Variants in TCERG1L observed in about 807,000 individuals in gnomAD.
TCERG1L encodes the protein transcription elongation regulator 1-like protein.
A neutral mutation model predicts 56.3 loss-of-function variants in TCERG1L; 37 were observed. That is an observed-to-expected ratio of 0.66 (90% CI 0.51 to 0.87). The LOEUF is 0.87. TCERG1L is among the 40% of genes least tolerant of loss of function. The pLI, the probability that TCERG1L is intolerant of heterozygous loss-of-function variation, is 0.00. For missense variants in TCERG1L, 799 were observed against 774.2 expected (o/e 1.03, Z -0.38); for synonymous variants, 324 against 326.3 (o/e 0.99, Z 0.08).
chr10:131,166,471 C>T (rs1846031544), intron 5 of TCERG1L, among the ~76,000 whole-genome samples: 1 of 152,252 alleles, frequency 6.6e-6, no homozygotes, highest in Non-Finnish European at 1.5e-5. Context: ...CTTCTTTCCT[C>T]TTGCCTAAGT....
intron 6 of TCERG1L, among the ~76,000 whole-genome samples, chr10:131,149,919 A>G (rs1048571692): frequency 1.3e-5 from 2 of 152,210 alleles, no homozygotes; most frequent in African/African-American, 2.4e-5. Context: ...GGGCTTCAGA[A>G]GCTTCCATGA....
intron 4 of TCERG1L, among the ~76,000 whole-genome samples, chr10:131,176,317 CACAG>C (rs757742140): frequency 1.1e-4 from 17 of 151,210 alleles, no homozygotes; most frequent in South Asian, 6.3e-4. Flanking sequence ...GACACATGCA[CACAG>C]AGACACGTGT....
At chr10:131,184,629 G>A (rs960470556) in intron 4 of TCERG1L, among the ~76,000 whole-genome samples, 12 of 152,346 alleles carry the variant, frequency 7.9e-5, no homozygotes, top group African/African-American at 2.4e-4. Context: ...GCAGCTCTGC[G>A]TGTACACATC....
At position 131,204,913 on chromosome 10, in the gene TCERG1L, T is replaced by A. The variant is rs544287083; in HGVS notation, c.857-38028A>T. Among the ~76,000 whole-genome samples, 104 of 152,260 alleles carry A rather than the reference T, an allele frequency of 6.8e-4. 1 individual carries two copies. The highest frequency in any genetic ancestry group is 1.4e-3 in the Non-Finnish European group (94 of 68,022). On this transcript the variant is annotated intron_variant, in intron 4 of 11. Transcript: ENST00000368642. ...ACCACAAGCCCAGTGGCCTTTCTGC[T>A]TGAAGTCCAGGGTCTTGACCATGGG...
At chr10:131,205,731 TC>T (rs1845515548) in intron 4 of TCERG1L, among the ~76,000 whole-genome samples, 1 of 152,208 alleles carries the variant, frequency 6.6e-6, no homozygotes, top group South Asian at 2.1e-4. Context: ...CTTGCTGAGG[TC>T]ACCTGGTCTT....
intron 4 of TCERG1L, among the ~76,000 whole-genome samples, chr10:131,186,112 G>T (rs150669993): frequency 1.3e-5 from 2 of 152,310 alleles, no homozygotes; most frequent in South Asian, 2.1e-4. Flanking sequence ...GACACAAAAG[G>T]TCACCTATTG....
chr10:131,195,347 C>T (rs930425000), intron 4 of TCERG1L, among the ~76,000 whole-genome samples: 8 of 152,178 alleles, frequency 5.3e-5, no homozygotes, highest in Admixed American at 1.3e-4. Context: ...GCAGAAAGGC[C>T]TCGCTTACTT....
At chr10:131,297,386 A>G (rs1224660971) in intron 3 of TCERG1L, among the ~76,000 whole-genome samples, 2 of 152,206 alleles carry the variant, frequency 1.3e-5, no homozygotes, top group African/African-American at 4.8e-5. Context: ...TCTAATGTTG[A>G]ACAAGCATTG....
intron 4 of TCERG1L, among the ~76,000 whole-genome samples, chr10:131,178,387 A>T (rs1274149923): frequency 6.6e-6 from 1 of 152,276 alleles, no homozygotes; most frequent in Non-Finnish European, 1.5e-5. Context: ...GAGCTGTGAC[A>T]AATGGGGTAA....
intron 4 of TCERG1L, among the ~76,000 whole-genome samples, chr10:131,179,597 C>T (rs897819243): frequency 3.3e-5 from 5 of 152,182 alleles, no homozygotes; most frequent in African/African-American, 4.8e-5. Context: ...TCACACAAAG[C>T]CATTCCTACT....
chr10:131,185,881 G>A lies in TCERG1L; in HGVS notation c.857-18996C>T, dbSNP rs577076796. On this transcript the variant is annotated intron_variant, in intron 4 of 11. Transcript: ENST00000368642. ...ATCTATACCCAAAAGAATTGAAAAC[G>A]GATATTCAGATCAATACTTTTAAAC... Among the ~76,000 whole-genome samples the A allele has an allele frequency of 4.6e-5, 7 of 152,120 alleles. No individual in the cohort carries two copies. In the South Asian group the frequency reaches 8.3e-4, roughly 18 times the overall value.
chr10:131,267,202 G>A lies in TCERG1L; in HGVS notation c.671-6758C>T, dbSNP rs1258392404. On this transcript the variant is annotated intron_variant, in intron 3 of 11. Coordinates refer to ENST00000368642, the MANE Select transcript of TCERG1L (RefSeq NM_174937.4). The surrounding 1 kb of genome is among the most constrained non-coding windows in gnomAD (Gnocchi z 4.9). The stretch of plus-strand genomic sequence containing the variant: ...TCTCAGCCTCCCACCTGCGCTCATT[G>A]GTGCCCAAAGTCCAGAGAATCTGAG... 6.6e-6 allele frequency among the ~76,000 whole-genome samples: 1 copy of A among 152,138 alleles called. No individual in the cohort carries two copies. The highest frequency in any genetic ancestry group is 1.5e-5 in the Non-Finnish European group (1 of 68,008).
At chr10:131,137,032 C>T (rs1178455181) in intron 7 of TCERG1L, among the ~76,000 whole-genome samples, 1 of 151,930 alleles carries the variant, frequency 6.6e-6, no homozygotes, top group Non-Finnish European at 1.5e-5. Flanking sequence ...CCCAGCTACT[C>T]AGGAGGCTGA....
chr10:131,301,071 CA>C (rs1846757207), intron 3 of TCERG1L, among the ~76,000 whole-genome samples: 1 of 151,998 alleles, frequency 6.6e-6, no homozygotes, highest in Non-Finnish European at 1.5e-5. Flanking sequence ...ATCCCTGCAC[CA>C]CAGAAAAGGA....
At chr10:131,093,788 T>C (rs1037393264) in intron 11 of TCERG1L, among the ~76,000 whole-genome samples, 1 of 152,112 alleles carries the variant, frequency 6.6e-6, no homozygotes, top group African/African-American at 2.4e-5. Flanking sequence ...CAGGGGGTCT[T>C]CTTTGGGAAA....
intron 9 of TCERG1L, among the ~76,000 whole-genome samples, chr10:131,115,616 G>A (rs1468948631): frequency 7.9e-6 from 1 of 126,086 alleles, no homozygotes; most frequent in Non-Finnish European, 1.8e-5. Flanking sequence ...TTTTCCTTCT[G>A]GTTCCCTGAG....
chr10:131,185,891 A>G (rs1845236835), intron 4 of TCERG1L, among the ~76,000 whole-genome samples: 1 of 152,240 alleles, frequency 6.6e-6, no homozygotes, highest in Non-Finnish European at 1.5e-5. Flanking sequence ...GGATATTCAG[A>G]TCAATACTTT....
chr10:131,277,937 G>A (rs1308748682), intron 3 of TCERG1L, among the ~76,000 whole-genome samples: 1 of 152,172 alleles, frequency 6.6e-6, no homozygotes, highest in Non-Finnish European at 1.5e-5. Context: ...AGGGGGCTCA[G>A]GGGCCATCCT....
chr10:131,291,180 T>C (rs1033621781), intron 3 of TCERG1L, among the ~76,000 whole-genome samples: 9 of 152,100 alleles, frequency 5.9e-5, no homozygotes, highest in Non-Finnish European at 1.0e-4. Context: ...ATTATAATAT[T>C]AGAATAAACT....
Sources: gnomAD v4.1 joint callset for allele counts (sites outside exome capture counted in the v4.1 genomes callset) on GRCh38, gnomAD v4.1.1 for gene constraint, Gnocchi (gnomAD v3.1) non-coding constraint, MANE v1.5 for transcripts, NCBI Gene and HGNC (gene_info 2026-07-23, HGNC 2026-07-21) for gene names.